Variants in OR2C1 observed in about 807,000 individuals in gnomAD.
OR2C1 encodes the protein olfactory receptor 2C1.
For missense variants in OR2C1, 468 were observed against 388.3 expected (o/e 1.21, Z -1.73); for synonymous variants, 209 against 167.3 (o/e 1.25, Z -1.92).
the OR2C1 span, among the ~76,000 whole-genome samples, chr16:3,327,356 C>T: frequency 6.6e-6 from 1 of 152,094 alleles, no homozygotes; most frequent in Admixed American, 6.6e-5. Flanking sequence ...TAATTCTTGA[C>T]AATCTCTGCC....
At chr16:3,341,181 C>G in the OR2C1 span, among the ~76,000 whole-genome samples, 1 of 151,560 alleles carries the variant, frequency 6.6e-6, no homozygotes, top group East Asian at 1.9e-4. Flanking sequence ...TGAATTTATT[C>G]CTAGGTATTT....
rs1221233917 is a variant in OR2C1, at chr16:3,356,484, C to T, written c.544C>T (p.Pro182Ser). 1.9e-6 allele frequency: 3 copies of T among 1,614,062 alleles called. No individual in the cohort carries two copies. Among genetic ancestry groups the T allele is most frequent in the Admixed American group, 3.3e-5 (2 of 60,016 alleles). Residue 182 changes from proline (P) to serine (S), a missense_variant, in exon 1 of 1, where the codon CCT becomes TCT. Pro to Ser is a moderately conservative substitution (Grantham distance 74). Transcript: ENST00000304936. ...GGTGGAGGGATTCCTCTGCGAGGTGCCTGCCATGATCAAACTGGCCTGTGG... is the reference window on the plus strand; with the variant it reads ...GGTGGAGGGATTCCTCTGCGAGGTGTCTGCCATGATCAAACTGGCCTGTGG... Reference protein sequence around the residue: ...RRVEGFLCEVPAMIKLACGDT... With the variant: ...RRVEGFLCEVSAMIKLACGDT...
At chr16:3,323,121 CA>C in the OR2C1 span, 140 of 529,816 alleles carry the variant, frequency 2.6e-4, no homozygotes, top group African/African-American at 2.5e-3. Context: ...AAAAAAATCT[CA>C]AAAAAACAAA....
the OR2C1 span, among the ~76,000 whole-genome samples, chr16:3,336,047 C>G: frequency 1.3e-5 from 2 of 152,102 alleles, no homozygotes; most frequent in Non-Finnish European, 2.9e-5. Flanking sequence ...ATGATGTTAG[C>G]TGTGGGTTTG....
the OR2C1 span, chr16:3,323,285 G>T: frequency 1.1e-6 from 1 of 872,404 alleles, no homozygotes; most frequent in Non-Finnish European, 1.9e-6. Context: ...TAGCATGATG[G>T]ACCACTGAGA....
the OR2C1 span, among the ~76,000 whole-genome samples, chr16:3,338,763 C>T: frequency 1.3e-5 from 2 of 152,034 alleles, no homozygotes; most frequent in South Asian, 2.1e-4. Flanking sequence ...GTCTCGATCT[C>T]CTGACCTTGT....
the OR2C1 span, among the ~76,000 whole-genome samples, chr16:3,345,379 G>A: frequency 1.3e-5 from 2 of 151,752 alleles, no homozygotes; most frequent in East Asian, 1.9e-4. Flanking sequence ...CCAGCTACTC[G>A]GGAGGCTGAG....
chr16:3,337,407 A>G, the OR2C1 span, among the ~76,000 whole-genome samples: 1 of 144,640 alleles, frequency 6.9e-6, no homozygotes, highest in East Asian at 2.2e-4. Context: ...GAGCTCAGGC[A>G]ATCCACCTGC....
the OR2C1 span, among the ~76,000 whole-genome samples, chr16:3,340,390 A>G: frequency 6.6e-6 from 1 of 152,216 alleles, no homozygotes; most frequent in Non-Finnish European, 1.5e-5. Flanking sequence ...GTGATTCACA[A>G]GTATTTTCTC....
the OR2C1 span, among the ~76,000 whole-genome samples, chr16:3,328,342 A>G: frequency 0.023 from 3,450 of 152,314 alleles, 70 homozygotes; most frequent in East Asian, 0.12. Context: ...GCAAGTCTCA[A>G]ATCAACACTT....
rs764626134 is a variant in OR2C1, at chr16:3,356,164, C to A, written c.224C>A (p.Thr75Asn). ...NLSSLDLAFA[T>N]SSVPQMLINL... ...TCCTCCTTGGACCTTGCTTTCGCTA[C>A]TAGTTCAGTCCCCCAAATGCTGATC... The change falls in exon 1 of 1, where the codon ACT (threonine) becomes AAT (asparagine). Residue 75 changes from threonine to asparagine, a missense_variant. By Grantham distance (65) the Thr-to-Asn change is moderately conservative. Transcript: ENST00000304936. 3 of 1,614,114 alleles carry A rather than the reference C, an allele frequency of 1.9e-6. No homozygotes were observed. The highest frequency in any genetic ancestry group is 4.5e-5 in the East Asian group (2 of 44,896).
the OR2C1 span, among the ~76,000 whole-genome samples, chr16:3,340,277 T>TG: frequency 0.041 from 5,652 of 138,394 alleles, 136 homozygotes; most frequent in Non-Finnish European, 0.058. Flanking sequence ...AAACTCTGTC[T>TG]CAAAAAAAAA....
chr16:3,342,124 G>A, the OR2C1 span, among the ~76,000 whole-genome samples: 8 of 152,182 alleles, frequency 5.3e-5, no homozygotes, highest in Middle Eastern at 3.4e-3. Context: ...GGTGGCACAC[G>A]TCTGTAGTCC....
chr16:3,352,611 C>T (rs916256840), upstream of OR2C1, among the ~76,000 whole-genome samples: 1 of 151,954 alleles, frequency 6.6e-6, no homozygotes, highest in South Asian at 2.1e-4. Context: ...TCCCCCATTT[C>T]TAGTTCTTGA....
In OR2C1 at chr16:3,356,607, C is replaced by G; in HGVS notation, c.667C>G (p.Gln223Glu). Reference protein sequence around the residue: ...IIVISYCLIAQAVLKIRSAEG... With the variant: ...IIVISYCLIAEAVLKIRSAEG... ...CGTGATCTCCTACTGCCTCATTGCT[C>G]AGGCAGTGCTGAAAATCCGCTCTGC... is the stretch of plus-strand genomic sequence containing the variant. The change falls in exon 1 of 1, where the codon CAG becomes GAG. Residue 223 changes from glutamine (Q) to glutamate (E), a missense_variant. Transcript: ENST00000304936. 6.2e-7 allele frequency: 1 copy of G among 1,614,142 alleles called. No individual in the cohort carries two copies. Among genetic ancestry groups the G allele is most frequent in the Non-Finnish European group, 8.5e-7 (1 of 1,180,022 alleles).
the OR2C1 span, among the ~76,000 whole-genome samples, chr16:3,325,028 C>A: frequency 1.3e-5 from 2 of 152,168 alleles, no homozygotes; most frequent in Non-Finnish European, 2.9e-5. Context: ...GTCACCCAGA[C>A]TGGAGTGCAA....
Position 3,356,222 on chromosome 16 carries a change from T to C in OR2C1, c.282T>C (p.Tyr94=), listed in dbSNP as rs775998646. ...GGGGACCAGGCAAGACCATCAGCTATGGTGGCTGCATAACCCAGCTCTATG... is the reference window on the plus strand; with the variant it reads ...GGGGACCAGGCAAGACCATCAGCTACGGTGGCTGCATAACCCAGCTCTATG... ...NLWGPGKTIS[Y]GGCITQLYVF... The change falls in exon 1 of 1, where the codon TAT becomes TAC. Residue 94 remains tyrosine (Y), a synonymous_variant. Transcript: ENST00000304936. 6.2e-7 allele frequency: 1 copy of C among 1,614,218 alleles called. No individual in the cohort carries two copies. The highest frequency in any genetic ancestry group is 8.5e-7 in the Non-Finnish European group (1 of 1,180,048).
At chr16:3,336,241 A>G in the OR2C1 span, among the ~76,000 whole-genome samples, 4 of 152,184 alleles carry the variant, frequency 2.6e-5, no homozygotes, top group African/African-American at 9.7e-5. Context: ...TATCCCTGGG[A>G]TGAATCCCAC....
chr16:3,346,983 A>T, the OR2C1 span, among the ~76,000 whole-genome samples: 8 of 149,254 alleles, frequency 5.4e-5, no homozygotes, highest in African/African-American at 2.0e-4. Flanking sequence ...GGTGGCTCAC[A>T]CCTGTAATCC....
Sources: allele counts gnomAD v4.1 joint callset (sites outside exome capture counted in the v4.1 genomes callset), GRCh38; gene constraint gnomAD v4.1.1; transcripts MANE v1.5; gene names NCBI Gene and HGNC (gene_info 2026-07-23, HGNC 2026-07-21).